Variants in CNOT2 observed in about 807,000 individuals in gnomAD.
CNOT2 encodes the protein CCR4-NOT transcription complex subunit 2, also known as CC chemokine receptor 4-negative regulator of transcription 2.
CNOT2 carries 7 observed loss-of-function variants against 72.1 expected under a neutral mutation model. The observed-to-expected ratio is 0.10, with a 90% CI of 0.06 to 0.18. The LOEUF (loss-of-function observed/expected upper bound fraction) is 0.18. CNOT2 is among the 10% of genes least tolerant of loss of function. The pLI, the probability that CNOT2 is intolerant of heterozygous loss-of-function variation, is 1.00. For synonymous variants in CNOT2, 196 were observed against 225.6 expected (o/e 0.87, Z 1.17); for missense variants, 345 against 660.3 (o/e 0.52, Z 5.23).
upstream of CNOT2, chr12:70,243,385 TCA>T (rs1471746456): frequency 1.3e-5 from 2 of 152,360 alleles, no homozygotes; most frequent in Non-Finnish European, 2.9e-5. Context: ...GCGACGGGGG[TCA>T]CGGCGGCGGT....
rs372806453 is a variant in CNOT2 at position 70,328,467 on chromosome 12, T to C, written c.239-956T>C. Among the ~76,000 whole-genome samples the C allele has an allele frequency of 1.7e-4, 26 of 151,914 alleles. No homozygotes were observed. In the East Asian group the frequency reaches 4.1e-3, roughly 24 times the overall value. On this transcript the variant is annotated intron_variant, in intron 4 of 15. Transcript: ENST00000229195. ...CACTAAAAAGTGTGGGTCAGGAAGATGGAGGAAAGGGAGAGGAATTCGTAG... is the reference window on the plus strand; with the variant it reads ...CACTAAAAAGTGTGGGTCAGGAAGACGGAGGAAAGGGAGAGGAATTCGTAG...
chr12:70,301,877 A>C (rs1477512328), intron 2 of CNOT2: 1 of 152,000 alleles, frequency 6.6e-6, no homozygotes, highest in Non-Finnish European at 1.5e-5. Context: ...TAAGCTATTA[A>C]TTATTGCCTC....
At chr12:70,307,812 A>G (rs1875696463) in intron 2 of CNOT2, 1 of 151,632 alleles carries the variant, frequency 6.6e-6, no homozygotes, top group South Asian at 2.1e-4. Context: ...TTAGGCCATC[A>G]TTATCTATCA....
intron 13 of CNOT2, 196 bp downstream of exon 13, chr12:70,342,503 G>A: frequency 1.7e-6 from 1 of 596,738 alleles, no homozygotes. Flanking sequence ...TTAACAACAG[G>A]TTACAACCAT....
intron 1 of CNOT2, among the ~76,000 whole-genome samples, chr12:70,269,219 A>T (rs1012434736): frequency 6.6e-6 from 1 of 151,466 alleles, no homozygotes; most frequent in Non-Finnish European, 1.5e-5. Context: ...GGTTAGGCCT[A>T]CCAGACTACA....
At chr12:70,324,801 A>T (rs946123479) in intron 4 of CNOT2, among the ~76,000 whole-genome samples, 1 of 151,818 alleles carries the variant, frequency 6.6e-6, no homozygotes, top group Admixed American at 6.6e-5. Flanking sequence ...CAGGTGTATA[A>T]CTTGTCCTCA....
chr12:70,294,262 C>G, intron 2 of CNOT2: 1 of 1,289,220 alleles, frequency 7.8e-7, no homozygotes, highest in African/African-American at 1.5e-5. Flanking sequence ...TTTCCAATCC[C>G]CAGAGTAGCA....
intron 1 of CNOT2, among the ~76,000 whole-genome samples, chr12:70,255,149 C>T (rs966508490): frequency 7.0e-6 from 1 of 143,396 alleles, no homozygotes; most frequent in African/African-American, 2.8e-5. Context: ...GATGCTTTCT[C>T]TATGTATCTA....
intron 1 of CNOT2, among the ~76,000 whole-genome samples, chr12:70,264,156 G>A (rs145212852): frequency 3.7e-4 from 56 of 152,246 alleles, no homozygotes; most frequent in African/African-American, 1.3e-3. Flanking sequence ...CCCCTTTGTA[G>A]GGGCATTTTT....
chr12:70,281,417 T>C (rs934123297), intron 2 of CNOT2, among the ~76,000 whole-genome samples: 3 of 152,222 alleles, frequency 2.0e-5, no homozygotes, highest in Admixed American at 1.3e-4. Context: ...ATATTCAAGC[T>C]TCTAAACATT....
chr12:70,278,110 CT>C lies in CNOT2; in HGVS notation c.-95-18del, dbSNP rs1869172587. ...ATTTACATGTTAGTAATTTTGATGG[CT>C]TTTGGATAATTCCACTCTAGAGGGA... On this transcript the variant is annotated intron_variant, in intron 1 of 15. Transcript: ENST00000229195. 7 of 669,704 alleles carry C rather than the reference CT, an allele frequency of 1.0e-5. No individual in the cohort carries two copies. In the South Asian group the frequency reaches 1.4e-4, roughly 13 times the overall value. The allele number at this position is 669,704 out of a possible 1,614,324, so 41.5% of individuals were successfully genotyped here. A position where few individuals can be genotyped will look rare whatever the true frequency, so the allele number is the denominator to read the frequency against.
intron 1 of CNOT2, among the ~76,000 whole-genome samples, chr12:70,263,191 G>A (rs1015489462): frequency 6.6e-6 from 1 of 151,988 alleles, no homozygotes; most frequent in Admixed American, 6.6e-5. Flanking sequence ...GGCATGAATC[G>A]TTTTGTTTAC....
chr12:70,341,163 G>A (rs1358913081), intron 11 of CNOT2, among the ~76,000 whole-genome samples: 1 of 152,008 alleles, frequency 6.6e-6, no homozygotes, highest in East Asian at 1.9e-4. Flanking sequence ...TGGAATTATA[G>A]GTGTGAGCCA....
intron 1 of CNOT2, among the ~76,000 whole-genome samples, chr12:70,262,662 TA>T (rs146131054): frequency 0.022 from 3,392 of 152,110 alleles, 77 homozygotes; most frequent in Admixed American, 0.047. Flanking sequence ...TATTTTGCCT[TA>T]TTTTTTTTTC....
At chr12:70,315,503 T>G (rs1419774221) in intron 3 of CNOT2, among the ~76,000 whole-genome samples, 1 of 152,178 alleles carries the variant, frequency 6.6e-6, no homozygotes, top group East Asian at 1.9e-4. Flanking sequence ...TAAATATCAT[T>G]TTTTAATTGC....
chr12:70,338,783 G>A lies in CNOT2; in HGVS notation c.1139G>A (p.Ser380Asn). ...GGAATGGTACATCTTGCATTAGGAA[G>A]TGACTTAACAACATTAGGCCTCAAT... ...DPGMVHLALGSDLTTLGLNLN... is the reference protein window; with the variant it reads ...DPGMVHLALGNDLTTLGLNLN... The change falls in exon 11 of 16, where the codon AGT becomes AAT. Residue 380 changes from serine (S) to asparagine (N), a missense_variant. Ser to Asn is a conservative substitution (Grantham distance 46, BLOSUM62 1). Transcript: ENST00000229195. The A allele has an allele frequency of 6.2e-7, 1 of 1,613,574 alleles. No homozygotes were observed. The highest frequency in any genetic ancestry group is 8.5e-7 in the Non-Finnish European group (1 of 1,179,674).
chr12:70,299,056 A>G (rs1459974487), intron 2 of CNOT2, among the ~76,000 whole-genome samples: 2 of 152,088 alleles, frequency 1.3e-5, no homozygotes, highest in Non-Finnish European at 2.9e-5. Context: ...TGGGTAGTTT[A>G]TAAGGGAAAG....
chr12:70,327,348 G>C (rs1436233248), intron 4 of CNOT2, among the ~76,000 whole-genome samples: 1 of 151,882 alleles, frequency 6.6e-6, no homozygotes, highest in Non-Finnish European at 1.5e-5. Context: ...GAAAAAGAAA[G>C]CAGGGGGAAA....
At chr12:70,304,617 G>C (rs891237665) in intron 2 of CNOT2, among the ~76,000 whole-genome samples, 1 of 152,166 alleles carries the variant, frequency 6.6e-6, no homozygotes, top group Non-Finnish European at 1.5e-5. Flanking sequence ...CCTACTGGGG[G>C]GTCAGGGACC....
Sources: gnomAD v4.1 joint callset for allele counts (sites outside exome capture counted in the v4.1 genomes callset) on GRCh38, gnomAD v4.1.1 for gene constraint, MANE v1.5 for transcripts, NCBI Gene and HGNC (gene_info 2026-07-23, HGNC 2026-07-21) for gene names.